Variants in ST3GAL3 observed in about 807,000 individuals in gnomAD.
The protein encoded by ST3GAL3 is ST3 beta-galactoside alpha-2,3-sialyltransferase 3.
A neutral mutation model predicts 50.1 loss-of-function variants in ST3GAL3; 21 were observed. That is an observed-to-expected ratio of 0.42 (90% confidence interval 0.30 to 0.60). ST3GAL3 has a LOEUF of 0.60. Among genes scored for constraint, ST3GAL3 ranks in the 20% least tolerant of loss-of-function variants. The pLI is 0.19. For missense variants in ST3GAL3, 353 were observed against 489.4 expected (o/e 0.72, Z 2.63); for synonymous variants, 183 against 190.0 (o/e 0.96, Z 0.30).
chr1:43,879,674 G>A (rs892960947), intron 5 of ST3GAL3, among the ~76,000 whole-genome samples: 2 of 152,186 alleles, frequency 1.3e-5, no homozygotes, highest in African/African-American at 4.8e-5. Context: ...TGCTCTTTGT[G>A]AGGATCTGGG....
intron 5 of ST3GAL3, among the ~76,000 whole-genome samples, chr1:43,852,039 C>T (rs1268055349): frequency 6.6e-6 from 1 of 152,162 alleles, no homozygotes; most frequent in South Asian, 2.1e-4. Flanking sequence ...CTTCCCTGAG[C>T]CCACCTAGTC....
chr1:43,862,751 A>G (rs1475608804), intron 5 of ST3GAL3, among the ~76,000 whole-genome samples: 1 of 151,546 alleles, frequency 6.6e-6, no homozygotes, highest in East Asian at 2.0e-4. Flanking sequence ...CTACCAAAAA[A>G]AAAAAAAAAA....
chr1:43,784,547 G>A lies in ST3GAL3; in HGVS notation c.119-7555G>A, dbSNP rs147948168. On this transcript the variant is annotated intron_variant, in intron 2 of 11. Transcript: ENST00000347631. Reference sequence around the variant, plus strand: ...AAGTAAGTAAAAATAAACTCCCATAGCAACTTCTCTAGAGACTTGTAATAT... The same window carrying A: ...AAGTAAGTAAAAATAAACTCCCATAACAACTTCTCTAGAGACTTGTAATAT... 7.8e-4 allele frequency among the ~76,000 whole-genome samples: 118 copies of A among 152,230 alleles called. 1 individual carries two copies. Among genetic ancestry groups the A allele is most frequent in the Admixed American group, 2.3e-3 (35 of 15,294 alleles).
At chr1:43,918,948 C>A (rs549624098) in intron 9 of ST3GAL3, among the ~76,000 whole-genome samples, 4 of 151,826 alleles carry the variant, frequency 2.6e-5, no homozygotes, top group Non-Finnish European at 5.9e-5. Context: ...GTTACGATTG[C>A]AAATAAGATC....
intron 5 of ST3GAL3, among the ~76,000 whole-genome samples, chr1:43,876,631 G>A (rs896312287): frequency 6.6e-6 from 1 of 152,200 alleles, no homozygotes. Flanking sequence ...ACTTTACCAG[G>A]TAATGGCAGT....
rs201366104 is a variant in ST3GAL3 at position 43,789,696 on chromosome 1, T to C, written c.119-2406T>C. On this transcript the variant is annotated intron_variant, in intron 2 of 11. Coordinates refer to ENST00000347631, the MANE Select transcript of ST3GAL3 (RefSeq NM_006279.5). ...AAGCAGCCTGGGCAATATGGCAAGA[T>C]GCTCATCTCTAAAAAAAATTGAAAA... Among the ~76,000 whole-genome samples the C allele has an allele frequency of 9.2e-5, 14 of 152,044 alleles. No individual in the cohort carries two copies. The East Asian group carries it at 1.9e-3, about 21-fold the overall frequency.
At chr1:43,808,272 C>T (rs2060134108) in intron 3 of ST3GAL3, among the ~76,000 whole-genome samples, 1 of 148,574 alleles carries the variant, frequency 6.7e-6, no homozygotes, top group Admixed American at 6.7e-5. Context: ...CCACTGCACT[C>T]CAGCCCAGGC....
intron 5 of ST3GAL3, among the ~76,000 whole-genome samples, chr1:43,870,767 G>A (rs927985541): frequency 2.0e-5 from 3 of 152,118 alleles, no homozygotes; most frequent in Non-Finnish European, 2.9e-5. Context: ...GGGGAGACAT[G>A]GCCATGGAGT....
chr1:43,808,333 G>T (rs1184528154), intron 3 of ST3GAL3, among the ~76,000 whole-genome samples: 2 of 151,196 alleles, frequency 1.3e-5, no homozygotes, highest in Non-Finnish European at 2.9e-5. Context: ...TGGAGCTCAG[G>T]AGAGAAGGCT....
chr1:43,794,701 T>C (rs965893484), intron 3 of ST3GAL3, among the ~76,000 whole-genome samples: 1 of 152,204 alleles, frequency 6.6e-6, no homozygotes, highest in African/African-American at 2.4e-5. Flanking sequence ...GTAGAATGAC[T>C]ATGCAAATTG....
rs998684573 is a variant in ST3GAL3 at position 43,764,039 on chromosome 1, A to G, written c.118+27659A>G. The stretch of plus-strand genomic sequence containing the variant: ...TTATTCAATGAGATAGTGTGTGTAG[A>G]GCTCTTAGCACTGTGTTGTGAACAC... On this transcript the variant is annotated intron_variant, in intron 2 of 11. Transcript: ENST00000347631. Among the ~76,000 whole-genome samples the G allele has an allele frequency of 4.6e-5, 7 of 152,172 alleles. No homozygotes were observed. The East Asian group carries it at 1.3e-3, about 29-fold the overall frequency.
At chr1:43,764,316 C>T (rs969679275) in intron 2 of ST3GAL3, among the ~76,000 whole-genome samples, 20 of 152,058 alleles carry the variant, frequency 1.3e-4, no homozygotes, top group Admixed American at 1.2e-3. Context: ...TGAATTTTTG[C>T]AGAGTCTCAA....
chr1:43,766,967 A>G (rs1156960105), intron 2 of ST3GAL3, among the ~76,000 whole-genome samples: 1 of 152,168 alleles, frequency 6.6e-6, no homozygotes, highest in Non-Finnish European at 1.5e-5. Flanking sequence ...GGCCTGGAAA[A>G]GGGCTGGGAG....
In ST3GAL3 at chr1:43,867,252, G is replaced by A. The variant is rs1176043089; in HGVS notation, c.303-27131G>A. 2.0e-5 allele frequency among the ~76,000 whole-genome samples: 3 copies of A among 152,356 alleles called. No homozygotes were observed. The East Asian group carries it at 5.8e-4, about 29-fold the overall frequency. On this transcript the variant is annotated intron_variant, in intron 5 of 11. Transcript: ENST00000347631. ...GTTCCTCCCACGACACGTAGGAATT[G>A]TGGGAGTTACAATTCAAGATGAAAC...
chr1:43,917,809 C>T (rs901990519), intron 9 of ST3GAL3, among the ~76,000 whole-genome samples: 2 of 144,620 alleles, frequency 1.4e-5, no homozygotes, highest in Non-Finnish European at 3.0e-5. Flanking sequence ...GCTGGGACTA[C>T]AGGTGTATAC....
chr1:43,869,605 C>T (rs140199879), intron 5 of ST3GAL3, among the ~76,000 whole-genome samples: 4 of 118,788 alleles, frequency 3.4e-5, no homozygotes, highest in Admixed American at 8.9e-5. Context: ...TGGTCATGTC[C>T]CACTGACCAT....
intron 9 of ST3GAL3, among the ~76,000 whole-genome samples, chr1:43,903,066 A>C (rs992874276): frequency 6.6e-6 from 1 of 152,212 alleles, no homozygotes; most frequent in African/African-American, 2.4e-5. Context: ...AGGAAGAGTT[A>C]GGAGTGAGTG....
At chr1:43,778,978 T>G (rs1698413650) in intron 2 of ST3GAL3, among the ~76,000 whole-genome samples, 1 of 150,076 alleles carries the variant, frequency 6.7e-6, no homozygotes, top group African/African-American at 2.5e-5. Flanking sequence ...GTTTTGCTCT[T>G]GTCATCCAGG....
chr1:43,745,164 C>G (rs1364585723), intron 2 of ST3GAL3, among the ~76,000 whole-genome samples: 1 of 152,140 alleles, frequency 6.6e-6, no homozygotes, highest in African/African-American at 2.4e-5. Flanking sequence ...ATATGACTCT[C>G]TTTCCTTCTT....
Sources: allele counts gnomAD v4.1 joint callset (sites outside exome capture counted in the v4.1 genomes callset), GRCh38; gene constraint gnomAD v4.1.1; transcripts MANE v1.5; gene names NCBI Gene and HGNC (gene_info 2026-07-23, HGNC 2026-07-21).